The following EIF2AK4 variants were observed in gnomAD, a reference collection of about 807,000 sequenced individuals.
EIF2AK4 encodes the protein eIF-2-alpha kinase GCN2.
A neutral mutation model predicts 211.1 loss-of-function variants in EIF2AK4; 139 were observed. The ratio of observed to expected loss-of-function variants is 0.66; its 90% CI spans 0.57 to 0.76. The LOEUF is 0.76. Ranked by LOEUF, EIF2AK4 falls within the 30% of genes least tolerant of loss-of-function variation. EIF2AK4 has a pLI of 0.00. For missense variants in EIF2AK4, 1,664 were observed against 2,043.8 expected (o/e 0.81, Z 3.58); for synonymous variants, 710 against 751.3 (o/e 0.94, Z 0.90).
chr15:39,976,616 C>G lies in EIF2AK4; in HGVS notation c.2021C>G (p.Pro674Arg), dbSNP rs754820780. ...GGGACGCCGCCCCCGGACTCCGGGCCCCTGGCCAAGGATGACCGAGCTGCA... is the reference window on the plus strand; with the variant it reads ...GGGACGCCGCCCCCGGACTCCGGGCGCCTGGCCAAGGATGACCGAGCTGCA... ...GPGTPPPDSG[P>R]LAKDDRAARG... Residue 674 changes from proline (P) to arginine (R), a missense_variant, in exon 12 of 39, where the codon CCC becomes CGC. By Grantham distance (103) the Pro-to-Arg change is moderately radical. Transcript: ENST00000263791. 2 of 1,607,762 alleles carry G rather than the reference C, an allele frequency of 1.2e-6. No individual in the cohort carries two copies. Among genetic ancestry groups the G allele is most frequent in the South Asian group, 1.1e-5 (1 of 90,696 alleles).
intron 28 of EIF2AK4, 114 bp downstream of exon 28, chr15:40,016,786 C>T: frequency 7.4e-7 from 1 of 1,352,100 alleles, no homozygotes; most frequent in African/African-American, 1.5e-5. Flanking sequence ...TCCAGAAAAA[C>T]TGCTTTCTGT....
chr15:39,976,411 C>A lies in EIF2AK4; in HGVS notation c.1819-3C>A. On this transcript the variant is annotated splice_polypyrimidine_tract_variant and splice_region_variant and intron_variant, in intron 11 of 38. Coordinates refer to ENST00000263791, the MANE Select transcript of EIF2AK4 (RefSeq NM_001013703.4). ...GGCTGACCTTCCCCTGGCTGTGCCG[C>A]AGGTGCAGAACAAGTTGGACGGCTG... The A allele has an allele frequency of 1.3e-6, 2 of 1,586,774 alleles. No individual in the cohort carries two copies. The highest frequency in any genetic ancestry group is 1.7e-6 in the Non-Finnish European group (2 of 1,166,348).
intron 4 of EIF2AK4, among the ~76,000 whole-genome samples, chr15:39,950,840 C>A (rs1018696272): frequency 1.3e-5 from 2 of 152,126 alleles, no homozygotes; most frequent in African/African-American, 4.8e-5. Flanking sequence ...GAAGAATTTA[C>A]TTGTTTTTAA....
intron 17 of EIF2AK4, 88 bp from the exon 18 acceptor site, chr15:39,992,681 A>G (rs932707047): frequency 1.1e-5 from 13 of 1,145,926 alleles, no homozygotes; most frequent in Admixed American, 3.5e-5. Flanking sequence ...ATCATGCCTC[A>G]CTTTTAAGAA....
chr15:40,024,695 GCCT>G (rs1448720234), intron 32 of EIF2AK4, among the ~76,000 whole-genome samples: 2 of 118,996 alleles, frequency 1.7e-5, no homozygotes, highest in African/African-American at 6.1e-5. Context: ...ACTGCGCCCA[GCCT>G]CCTTTTTTTT....
chr15:39,965,578 G>T (rs1046743728), intron 7 of EIF2AK4, 108 bp from the exon 8 acceptor site: 7 of 1,244,458 alleles, frequency 5.6e-6, no homozygotes, highest in South Asian at 2.9e-5. Context: ...CATAGTTAGC[G>T]CATGGTATCC....
chr15:39,980,039 G>A (rs1164918517), intron 13 of EIF2AK4, among the ~76,000 whole-genome samples: 1 of 152,166 alleles, frequency 6.6e-6, no homozygotes, highest in Non-Finnish European at 1.5e-5. Context: ...ATATTTGCTG[G>A]CTAGTCGCTG....
At chr15:40,029,384 G>A (rs375437306) in intron 33 of EIF2AK4, 22 bp from the exon 34 acceptor site, 53 of 1,611,168 alleles carry the variant, frequency 3.3e-5, no homozygotes, top group Non-Finnish European at 4.2e-5. Context: ...TTCTTTAATT[G>A]TTTTTGTTTG....
intron 7 of EIF2AK4, among the ~76,000 whole-genome samples, chr15:39,962,136 A>G (rs184367519): frequency 1.1e-4 from 17 of 152,330 alleles, no homozygotes; most frequent in Admixed American, 7.8e-4. Context: ...GGCTATGCCT[A>G]TAATCCCAAT....
intron 4 of EIF2AK4, chr15:39,951,486 G>A: frequency 2.4e-6 from 1 of 409,772 alleles, no homozygotes. Context: ...CAACCAGATA[G>A]GCCTCACTTG....
At chr15:40,005,472 G>A (rs1377180963) in intron 23 of EIF2AK4, among the ~76,000 whole-genome samples, 2 of 151,464 alleles carry the variant, frequency 1.3e-5, no homozygotes, top group African/African-American at 4.9e-5. Flanking sequence ...ACTCCAGCCT[G>A]GACAACAGAG....
chr15:39,971,506 G>C lies in EIF2AK4; in HGVS notation c.1554-1402G>C, dbSNP rs138139518. On this transcript the variant is annotated intron_variant, in intron 9 of 38. Coordinates refer to ENST00000263791, the MANE Select transcript of EIF2AK4 (RefSeq NM_001013703.4). ...AGATAGTGCCACTGCACTCCAGCCTGGGCAAGAGAGCAAGACTTCGTCTCA... is the reference window on the plus strand; with the variant it reads ...AGATAGTGCCACTGCACTCCAGCCTCGGCAAGAGAGCAAGACTTCGTCTCA... 2.4e-3 allele frequency among the ~76,000 whole-genome samples: 363 copies of C among 152,194 alleles called. 4 individuals carry two copies. Among genetic ancestry groups the C allele is most frequent in the East Asian group, 0.018 (92 of 5,174 alleles).
At chr15:39,987,940 A>T (rs1466389610) in intron 14 of EIF2AK4, 43 bp from the exon 15 acceptor site, 1 of 1,606,644 alleles carries the variant, frequency 6.2e-7, no homozygotes, top group Non-Finnish European at 8.5e-7. Context: ...CCTTCACTTA[A>T]AACTGTTGTG....
In EIF2AK4 at chr15:39,981,924, C is replaced by CTTTTT. The variant is rs34776250; in HGVS notation, c.2319+3792_2319+3796dup. Among the ~76,000 whole-genome samples, 89 of 122,260 alleles carry CTTTTT rather than the reference C, an allele frequency of 7.3e-4. 5 individuals carry two copies. The highest frequency in any genetic ancestry group is 8.9e-4 in the African/African-American group (29 of 32,442). The allele number at this position is 122,260 out of a possible 152,430, so 80.2% of individuals were successfully genotyped here. A position where few individuals can be genotyped will look rare whatever the true frequency, so the allele number is the denominator to read the frequency against. On this transcript the variant is annotated intron_variant, in intron 13 of 38. Coordinates refer to ENST00000263791, the MANE Select transcript of EIF2AK4 (RefSeq NM_001013703.4). ...AGTGTGCCCTTTGATAATGTGGTCA[C>CTTTTT]TTTTTTTTTTTTTTTTTTTGAGACA...
chr15:39,939,329 T>C (rs1283535716), intron 1 of EIF2AK4, among the ~76,000 whole-genome samples, 176 bp from the exon 2 acceptor site: 1 of 152,236 alleles, frequency 6.6e-6, no homozygotes, highest in Non-Finnish European at 1.5e-5. Context: ...GCATTTTCAC[T>C]GGCTTAGGTT....
In EIF2AK4 at chr15:39,955,599, GT is replaced by G; in HGVS notation, c.595-17del. ...CATGTATGACTTACATCTAAAGTAA[GT>G]TTTACTTTTCTTGTTCTAGGAACGT... On this transcript the variant is annotated intron_variant, in intron 5 of 38. Transcript: ENST00000263791. 6.3e-7 allele frequency: 1 copy of G among 1,591,966 alleles called. No homozygotes were observed. Among genetic ancestry groups the G allele is most frequent in the Non-Finnish European group, 8.5e-7 (1 of 1,173,034 alleles).
intron 34 of EIF2AK4, among the ~76,000 whole-genome samples, chr15:40,029,978 C>A (rs2035517685): frequency 6.6e-6 from 1 of 152,180 alleles, no homozygotes; most frequent in Non-Finnish European, 1.5e-5. Flanking sequence ...TTCCCATTCT[C>A]TTCTGTTAGC....
intron 5 of EIF2AK4, among the ~76,000 whole-genome samples, chr15:39,955,223 A>G (rs1445333714): frequency 6.6e-6 from 1 of 152,182 alleles, no homozygotes; most frequent in Non-Finnish European, 1.5e-5. Flanking sequence ...TCATTTATAA[A>G]ATTTACATTT....
chr15:40,020,321 G>A (rs2035365960), intron 30 of EIF2AK4, among the ~76,000 whole-genome samples: 1 of 150,770 alleles, frequency 6.6e-6, no homozygotes, highest in African/African-American at 2.4e-5. Context: ...AATAATTTCT[G>A]TCTTGAAAGA....
Sources: gnomAD v4.1 joint callset for allele counts (sites outside exome capture counted in the v4.1 genomes callset) on GRCh38, gnomAD v4.1.1 for gene constraint, MANE v1.5 for transcripts, NCBI Gene and HGNC (gene_info 2026-07-23, HGNC 2026-07-21) for gene names.